The following GNA14 variants were observed in gnomAD, a reference collection of about 807,000 sequenced individuals.
GNA14 encodes G protein subunit alpha 14, also known as guanine nucleotide-binding protein subunit alpha-14.
In GNA14, 50 loss-of-function variants were observed where a neutral mutation model predicts 42.0. The observed-to-expected ratio is 1.19, with a 90% CI of 0.95 to 1.51. The LOEUF is 1.51. GNA14 is among the 40% of genes most tolerant of loss of function. The pLI is 0.00. For missense variants in GNA14, 473 were observed against 446.2 expected (o/e 1.06, Z -0.54); for synonymous variants, 173 against 163.1 (o/e 1.06, Z -0.46).
chr9:77,644,244 C>T (rs577119149), intron 1 of GNA14, among the ~76,000 whole-genome samples: 4 of 151,904 alleles, frequency 2.6e-5, no homozygotes, highest in East Asian at 3.9e-4. Context: ...GCAGAGGGAT[C>T]GTTTGAGCCC....
chr9:77,640,797 T>C (rs1341576971), intron 1 of GNA14, among the ~76,000 whole-genome samples: 1 of 148,266 alleles, frequency 6.7e-6, no homozygotes, highest in African/African-American at 2.5e-5. Context: ...AAACAGCTGA[T>C]TTCTTCCCCA....
intron 2 of GNA14, among the ~76,000 whole-genome samples, chr9:77,477,141 G>C (rs186004554): frequency 6.6e-6 from 1 of 152,176 alleles, no homozygotes; most frequent in Non-Finnish European, 1.5e-5. Flanking sequence ...TGGATTGCTT[G>C]AGGCCAGGAG....
In GNA14 at chr9:77,471,928, C is replaced by T. The variant is rs144898994; in HGVS notation, c.310-37406G>A. ...ATACAAAAGATAAAATATGTATTAA[C>T]TGCATCAGTAAGTAAGAAGCAGCCT... On this transcript the variant is annotated intron_variant, in intron 2 of 6. Coordinates refer to ENST00000341700, the MANE Select transcript of GNA14 (RefSeq NM_004297.4). 9.5e-3 allele frequency among the ~76,000 whole-genome samples: 1,440 copies of T among 152,288 alleles called. 20 individuals carry two copies. Among genetic ancestry groups the T allele is most frequent in the African/African-American group, 0.032 (1,344 of 41,556 alleles).
At chr9:77,542,392 C>T (rs1415132027) in intron 1 of GNA14, among the ~76,000 whole-genome samples, 1 of 152,128 alleles carries the variant, frequency 6.6e-6, no homozygotes, top group Non-Finnish European at 1.5e-5. Flanking sequence ...ACTAAGATGC[C>T]AGATGGCCAG....
At chr9:77,623,808 A>G (rs1587852174) in intron 1 of GNA14, among the ~76,000 whole-genome samples, 2 of 152,196 alleles carry the variant, frequency 1.3e-5, no homozygotes, top group South Asian at 2.1e-4. Context: ...CTACACCACC[A>G]GCGCCATGGA....
intron 1 of GNA14, among the ~76,000 whole-genome samples, chr9:77,553,020 T>C (rs1314599252): frequency 1.3e-5 from 2 of 152,154 alleles, no homozygotes; most frequent in Admixed American, 1.3e-4. Context: ...ATTTACCTAA[T>C]GGTGACATGA....
chr9:77,464,805 T>G (rs1259167914), intron 2 of GNA14, among the ~76,000 whole-genome samples: 1 of 152,202 alleles, frequency 6.6e-6, no homozygotes, highest in African/African-American at 2.4e-5. Context: ...TCTTTTCAGA[T>G]GTAATCAAGT....
intron 2 of GNA14, among the ~76,000 whole-genome samples, chr9:77,451,421 T>C (rs1383174120): frequency 6.6e-6 from 1 of 152,206 alleles, no homozygotes; most frequent in Non-Finnish European, 1.5e-5. Flanking sequence ...AAAGCAATCA[T>C]TGTAACTATA....
chr9:77,490,424 T>C (rs540394758), intron 2 of GNA14, among the ~76,000 whole-genome samples: 256 of 152,332 alleles, frequency 1.7e-3, no homozygotes, highest in African/African-American at 5.8e-3. Flanking sequence ...CTGGGCACCA[T>C]GGAGCAGGGG....
intron 2 of GNA14, among the ~76,000 whole-genome samples, chr9:77,455,911 A>T (rs1835990379): frequency 6.6e-6 from 1 of 152,198 alleles, no homozygotes; most frequent in East Asian, 1.9e-4. Flanking sequence ...GCCCCTGCCC[A>T]GCCTCACTCT....
intron 1 of GNA14, among the ~76,000 whole-genome samples, chr9:77,553,661 G>A (rs756075826): frequency 2.6e-5 from 4 of 152,062 alleles, no homozygotes; most frequent in Non-Finnish European, 5.9e-5. Flanking sequence ...ATGGGCATAT[G>A]AGAAAACAGA....
chr9:77,465,483 T>C (rs1442262559), intron 2 of GNA14, among the ~76,000 whole-genome samples: 1 of 152,228 alleles, frequency 6.6e-6, no homozygotes, highest in African/African-American at 2.4e-5. Context: ...TTTGTGCGGC[T>C]GTGTGTTTTC....
intron 1 of GNA14, among the ~76,000 whole-genome samples, chr9:77,584,711 TAAGA>T (rs1199097905): frequency 6.6e-6 from 1 of 152,202 alleles, no homozygotes; most frequent in African/African-American, 2.4e-5. Flanking sequence ...GCAAGTTTAT[TAAGA>T]AAGTAAAGGA....
chr9:77,493,471 A>G (rs1040991959), intron 2 of GNA14, among the ~76,000 whole-genome samples: 1 of 152,184 alleles, frequency 6.6e-6, no homozygotes, highest in African/African-American at 2.4e-5. Context: ...GTAAAATGTT[A>G]TAACGTTAAT....
intron 2 of GNA14, among the ~76,000 whole-genome samples, chr9:77,464,385 G>C (rs1836182419): frequency 1.3e-5 from 2 of 149,306 alleles, no homozygotes; most frequent in South Asian, 2.1e-4. Flanking sequence ...GTGTGTGTGT[G>C]TGTGTGTTTA....
intron 1 of GNA14, among the ~76,000 whole-genome samples, chr9:77,599,328 C>G: frequency 6.6e-6 from 1 of 151,994 alleles, no homozygotes; most frequent in Admixed American, 6.6e-5. Flanking sequence ...AAATAAAGAC[C>G]CTGGAAGAAA....
At chr9:77,603,529 G>C (rs1823599999) in intron 1 of GNA14, among the ~76,000 whole-genome samples, 1 of 152,086 alleles carries the variant, frequency 6.6e-6, no homozygotes, top group South Asian at 2.1e-4. Flanking sequence ...TGCAGGAGTA[G>C]GTAGCTCTCC....
At chr9:77,470,626 T>C (rs1413837821) in intron 2 of GNA14, among the ~76,000 whole-genome samples, 1 of 152,128 alleles carries the variant, frequency 6.6e-6, no homozygotes, top group African/African-American at 2.4e-5. Context: ...AATACTATAA[T>C]TGGAGAGATC....
intron 2 of GNA14, among the ~76,000 whole-genome samples, chr9:77,475,125 G>A (rs1249681294): frequency 6.6e-6 from 1 of 151,966 alleles, no homozygotes; most frequent in African/African-American, 2.4e-5. Flanking sequence ...GCAATGAAGA[G>A]ACAACTCATC....
Sources: allele counts gnomAD v4.1 joint callset (sites outside exome capture counted in the v4.1 genomes callset), GRCh38; gene constraint gnomAD v4.1.1; transcripts MANE v1.5; gene names NCBI Gene and HGNC (gene_info 2026-07-23, HGNC 2026-07-21).